FLRT2: variants seen among roughly 807,000 people sequenced by gnomAD.
The protein encoded by FLRT2 is leucine-rich repeat transmembrane protein FLRT2.
In FLRT2, 15 loss-of-function variants were observed where a neutral mutation model predicts 40.0. The observed-to-expected ratio is 0.38, with a 90% CI of 0.25 to 0.58. The LOEUF is 0.58. FLRT2 is among the 20% of genes least tolerant of loss of function. FLRT2 has a pLI of 0.71. For synonymous variants in FLRT2, 380 were observed against 336.8 expected, an observed-to-expected ratio of 1.13 and a Z score of -1.41; for missense variants, 726 against 840.0, an observed-to-expected ratio of 0.86 and a Z score of 1.68.
At position 85,622,838 on chromosome 14, in the gene FLRT2, C is replaced by T; in HGVS notation, c.1324C>T (p.Leu442Phe). Residue 442 changes from leucine to phenylalanine, a missense_variant, in exon 2 of 2, where the codon CTC (leucine) becomes TTC (phenylalanine). Leu to Phe is a conservative substitution (Grantham distance 22). Coordinates refer to ENST00000330753, the MANE Select transcript of FLRT2 (RefSeq NM_013231.6). ...TGATACTTCCATTCAAGTCAGCTGG[C>T]TCTCTCTCTTCACCGTGATGGCATA... ...VNDTSIQVSW[L>F]SLFTVMAYKL... The T allele has an allele frequency of 1.9e-6, 3 of 1,614,140 alleles. No homozygotes were observed. The highest frequency in any genetic ancestry group is 2.5e-6 in the Non-Finnish European group (3 of 1,180,022).
chr14:85,559,728 T>C (rs1890190898), intron 1 of FLRT2, among the ~76,000 whole-genome samples: 1 of 152,180 alleles, frequency 6.6e-6, no homozygotes, highest in Non-Finnish European at 1.5e-5. Flanking sequence ...CAGAGATACA[T>C]GGCCCAGTTT....
In FLRT2 at chr14:85,631,263, A is replaced by G. The variant is rs961821359; in HGVS notation, c.*7766A>G. On this transcript the variant is annotated 3_prime_UTR_variant, in exon 2 of 2. Coordinates refer to ENST00000330753, the MANE Select transcript of FLRT2 (RefSeq NM_013231.6). Reference sequence around the variant, plus strand: ...TGATGACATATTTGTCCTTTAAGATACAAGTCAAAGACCTCTCTTCCAAAG... The same window carrying G: ...TGATGACATATTTGTCCTTTAAGATGCAAGTCAAAGACCTCTCTTCCAAAG... 2.6e-5 allele frequency: 4 copies of G among 151,682 alleles called. No individual in the cohort carries two copies. The highest frequency in any genetic ancestry group is 4.4e-5 in the Non-Finnish European group (3 of 68,002). The allele number at this position is 151,682 out of a possible 1,614,324, so 9.4% of individuals were successfully genotyped here.
In FLRT2 at chr14:85,563,412, A is replaced by G. The variant is rs558278098; in HGVS notation, c.-377+32878A>G. Reference sequence around the variant, plus strand: ...TAAGCTACCTGAAACTGGGTAATTTATGAATAAAAGAGGTTTAATTGACTC... The same window carrying G: ...TAAGCTACCTGAAACTGGGTAATTTGTGAATAAAAGAGGTTTAATTGACTC... On this transcript the variant is annotated intron_variant, in intron 1 of 1. Coordinates refer to ENST00000330753, the MANE Select transcript of FLRT2 (RefSeq NM_013231.6). 2.6e-5 allele frequency among the ~76,000 whole-genome samples: 4 copies of G among 152,324 alleles called. No homozygotes were observed. In the South Asian group the frequency reaches 6.2e-4, roughly 24 times the overall value.
At chr14:85,546,118 A>G (rs965102371) in intron 1 of FLRT2, among the ~76,000 whole-genome samples, 1 of 152,170 alleles carries the variant, frequency 6.6e-6, no homozygotes, top group African/African-American at 2.4e-5. Flanking sequence ...AAATCTTTAC[A>G]CTATTGAATT....
chr14:85,549,109 G>A (rs968580053), intron 1 of FLRT2, among the ~76,000 whole-genome samples: 1 of 152,050 alleles, frequency 6.6e-6, no homozygotes, highest in Non-Finnish European at 1.5e-5. Flanking sequence ...ACTTCCATCA[G>A]CAATAAAATC....
At chr14:85,536,120 C>T (rs545329227) in intron 1 of FLRT2, among the ~76,000 whole-genome samples, 1 of 151,928 alleles carries the variant, frequency 6.6e-6, no homozygotes, top group Non-Finnish European at 1.5e-5. Flanking sequence ...TGATCATATA[C>T]GAGTTTGACT....
At chr14:85,561,784 T>G (rs928135206) in intron 1 of FLRT2, among the ~76,000 whole-genome samples, 2 of 152,224 alleles carry the variant, frequency 1.3e-5, no homozygotes, top group Admixed American at 1.3e-4. Flanking sequence ...TGCCCTTTTT[T>G]AAAAATGTAT....
At chr14:85,531,496 G>A (rs975988986) in intron 1 of FLRT2, among the ~76,000 whole-genome samples, 1 of 152,066 alleles carries the variant, frequency 6.6e-6, no homozygotes, top group Non-Finnish European at 1.5e-5. Context: ...CTGAGGTCGG[G>A]GTACTGACAA....
chr14:85,569,216 A>G (rs1474994519), intron 1 of FLRT2, among the ~76,000 whole-genome samples: 1 of 152,220 alleles, frequency 6.6e-6, no homozygotes, highest in Non-Finnish European at 1.5e-5. Context: ...CTAGAAAGAA[A>G]AGAGGAATCT....
In FLRT2 at chr14:85,648,094, T is replaced by A. The variant is rs1342552574; in HGVS notation, c.*24597T>A. 6.6e-6 allele frequency: 1 copy of A among 152,146 alleles called. No homozygotes were observed. Among genetic ancestry groups the A allele is most frequent in the Non-Finnish European group, 1.5e-5 (1 of 68,028 alleles). 9.4% of individuals were successfully genotyped at this position (152,146 alleles called of 1,614,324 possible). On this transcript the variant is annotated 3_prime_UTR_variant, in exon 2 of 2. Coordinates refer to ENST00000330753, the MANE Select transcript of FLRT2 (RefSeq NM_013231.6). ...TATCAGCTTGAAACTATGATTGGAA[T>A]TGAAGGTTAAAGAAAACCCAGCTAT...
At position 85,566,143 on chromosome 14, in the gene FLRT2, AGTT is replaced by A. The variant is rs554463495; in HGVS notation, c.-377+35610_-377+35612del. On this transcript the variant is annotated intron_variant, in intron 1 of 1. Transcript: ENST00000330753. ...TTGCAAGTGCTATTATGCCAGCAGT[AGTT>A]TTTTCCATGAAGTAATCTGATGATT... Among the ~76,000 whole-genome samples, 85 of 152,318 alleles carry A rather than the reference AGTT, an allele frequency of 5.6e-4. 1 individual carries two copies. Among genetic ancestry groups the A allele is most frequent in the African/African-American group, 1.9e-3 (80 of 41,578 alleles).
chr14:85,576,750 G>T (rs545951937), intron 1 of FLRT2, among the ~76,000 whole-genome samples: 1 of 152,262 alleles, frequency 6.6e-6, no homozygotes, highest in Non-Finnish European at 1.5e-5. Flanking sequence ...TGCTTGTTTG[G>T]TGGTGGAAAT....
chr14:85,627,455 A>T lies in FLRT2; in HGVS notation c.*3958A>T, dbSNP rs1413165284. 1 of 167,082 alleles carries T rather than the reference A, an allele frequency of 6.0e-6. No homozygotes were observed. The highest frequency in any genetic ancestry group is 6.5e-5 in the Admixed American group (1 of 15,280). 10.3% of individuals were successfully genotyped at this position (167,082 alleles called of 1,614,324 possible). Reference sequence around the variant, plus strand: ...TTTGTATATGTCTGATACCGTTGTTATAACAAAACAAATTTTTTTACTATA... The same window carrying T: ...TTTGTATATGTCTGATACCGTTGTTTTAACAAAACAAATTTTTTTACTATA... On this transcript the variant is annotated 3_prime_UTR_variant, in exon 2 of 2. Transcript: ENST00000330753.
intron 1 of FLRT2, among the ~76,000 whole-genome samples, chr14:85,587,590 C>G (rs76138147): frequency 1.3e-5 from 2 of 148,180 alleles, no homozygotes; most frequent in African/African-American, 2.5e-5. Flanking sequence ...TTTTTTTTTT[C>G]TAAGTGAACA....
Position 85,644,976 on chromosome 14 carries a change from C to T in FLRT2, c.*21479C>T, listed in dbSNP as rs1018760883. ...GCTTTCTTTCTTAGATTATTAATCT[C>T]CTTGTGAGGGACAGTTCTTGTCTTG... On this transcript the variant is annotated 3_prime_UTR_variant, in exon 2 of 2. Transcript: ENST00000330753. 2 of 152,048 alleles carry T rather than the reference C, an allele frequency of 1.3e-5. No homozygotes were observed. Among genetic ancestry groups the T allele is most frequent in the African/African-American group, 4.8e-5 (2 of 41,404 alleles). 9.4% of individuals were successfully genotyped at this position (152,048 alleles called of 1,614,324 possible).
At chr14:85,579,925 ATT>A (rs4015970) in intron 1 of FLRT2, among the ~76,000 whole-genome samples, 7 of 117,554 alleles carry the variant, frequency 6.0e-5, no homozygotes, top group South Asian at 2.9e-4. Flanking sequence ...GGGTATTAGA[ATT>A]TTTTTTTTTT....
chr14:85,575,741 G>T (rs868458013), intron 1 of FLRT2, among the ~76,000 whole-genome samples: 20 of 152,194 alleles, frequency 1.3e-4, no homozygotes, highest in African/African-American at 4.6e-4. Flanking sequence ...GTGTTTAGGA[G>T]GGAAGACAGA....
chr14:85,558,834 T>C (rs562727575), intron 1 of FLRT2, among the ~76,000 whole-genome samples: 1 of 152,264 alleles, frequency 6.6e-6, no homozygotes, highest in African/African-American at 2.4e-5. Context: ...TTAGAGTGAT[T>C]GCTCTGATAC....
At chr14:85,590,905 C>T (rs1485585641) in intron 1 of FLRT2, among the ~76,000 whole-genome samples, 4 of 152,032 alleles carry the variant, frequency 2.6e-5, no homozygotes, top group South Asian at 2.1e-4. Context: ...TTAAATTGCT[C>T]ACCTCTCTTT....
Sources: allele counts gnomAD v4.1 joint callset (sites outside exome capture counted in the v4.1 genomes callset), GRCh38; gene constraint gnomAD v4.1.1; transcripts MANE v1.5; gene names NCBI Gene and HGNC (gene_info 2026-07-23, HGNC 2026-07-21).